Variants in SHANK2 observed in about 807,000 individuals in gnomAD.
The protein encoded by SHANK2 is SH3 and multiple ankyrin repeat domains 2.
A neutral mutation model predicts 133.7 loss-of-function variants in SHANK2; 43 were observed. That is an observed-to-expected ratio of 0.32 (90% confidence interval 0.25 to 0.41). SHANK2 has a LOEUF of 0.41. Among genes scored for constraint, SHANK2 ranks in the 10% least tolerant of loss-of-function variants. The pLI is 1.00. For synonymous variants in SHANK2, 1,017 were observed against 952.8 expected, an observed-to-expected ratio of 1.07 and a Z score of -1.24; for missense variants, 1,994 against 2,235.8, an observed-to-expected ratio of 0.89 and a Z score of 2.18.
chr11:70,627,359 T>C (rs561782414), intron 17 of SHANK2, among the ~76,000 whole-genome samples: 5 of 152,110 alleles, frequency 3.3e-5, no homozygotes, highest in Non-Finnish European at 7.4e-5. Flanking sequence ...GTCCAGCTGG[T>C]GGGGGCGTCA....
chr11:70,801,331 G>A (rs990706314), intron 13 of SHANK2, among the ~76,000 whole-genome samples: 48 of 152,360 alleles, frequency 3.2e-4, no homozygotes, highest in African/African-American at 1.1e-3. Flanking sequence ...CCAACACGGG[G>A]AGCCTTCATG....
intron 11 of SHANK2, among the ~76,000 whole-genome samples, chr11:70,869,166 C>T (rs144765367): frequency 6.6e-6 from 1 of 152,248 alleles, no homozygotes; most frequent in Non-Finnish European, 1.5e-5. Flanking sequence ...GAGAGGTCTC[C>T]GGAGGAACCA....
In SHANK2 at chr11:71,188,471, C is replaced by T. The variant is rs1055298362; in HGVS notation, c.-13+36226G>A. Among the ~76,000 whole-genome samples the T allele has an allele frequency of 3.3e-5, 5 of 152,222 alleles. No individual in the cohort carries two copies. Among genetic ancestry groups the T allele is most frequent in the East Asian group, 1.9e-4 (1 of 5,174 alleles). ...CTCCCTCTGGGGAGAAGGACTTCGG[C>T]GCAAGGGAACAGGAAAACACTGCAA... is the stretch of plus-strand genomic sequence containing the variant. On this transcript the variant is annotated intron_variant, in intron 2 of 25. Coordinates refer to ENST00000601538, the MANE Select transcript of SHANK2 (RefSeq NM_012309.5). This position sits in a 1 kb window ranked among gnomAD's most constrained non-coding sequence, Gnocchi z 4.6.
chr11:71,159,314 C>T (rs1361741306), intron 2 of SHANK2, among the ~76,000 whole-genome samples: 1 of 152,198 alleles, frequency 6.6e-6, no homozygotes, highest in Non-Finnish European at 1.5e-5. Flanking sequence ...CCTATCTCAG[C>T]TTCCACCTTC....
chr11:70,498,937 C>T (rs1304049521), intron 21 of SHANK2, among the ~76,000 whole-genome samples: 1 of 152,296 alleles, frequency 6.6e-6, no homozygotes, highest in East Asian at 1.9e-4. Flanking sequence ...CTACAAGGAT[C>T]CTATTTCCAA....
intron 25 of SHANK2, among the ~76,000 whole-genome samples, chr11:70,481,738 C>T (rs1273690598): frequency 6.6e-6 from 1 of 152,232 alleles, no homozygotes; most frequent in Non-Finnish European, 1.5e-5. Context: ...ATTCACAGCT[C>T]TTAATTTTTA....
chr11:71,119,879 G>A (rs1273089153), intron 3 of SHANK2, among the ~76,000 whole-genome samples: 1 of 152,056 alleles, frequency 6.6e-6, no homozygotes, highest in Non-Finnish European at 1.5e-5. Context: ...ATTTTGACAT[G>A]GATCGTTCTT....
rs1953730322 is a variant in SHANK2, at chr11:71,188,889, T to C, written c.-13+35808A>G. ...CACAGAGGCAAGTGATGGGTCAAGG[T>C]GGGTGGAAGCAAACCCTGGGGTTCT... On this transcript the variant is annotated intron_variant, in intron 2 of 25. Coordinates refer to ENST00000601538, the MANE Select transcript of SHANK2 (RefSeq NM_012309.5). This position sits in a 1 kb window ranked among gnomAD's most constrained non-coding sequence, Gnocchi z 4.6. Among the ~76,000 whole-genome samples, 3 of 152,110 alleles carry C rather than the reference T, an allele frequency of 2.0e-5. No individual in the cohort carries two copies.
chr11:71,251,621 C>T (rs1273112673), intron 1 of SHANK2, among the ~76,000 whole-genome samples: 1 of 151,366 alleles, frequency 6.6e-6, no homozygotes, highest in African/African-American at 2.4e-5. Flanking sequence ...TCGAGCGCGC[C>T]GGTGCCAGCT....
chr11:70,481,389 AGTT>A (rs1555151543), intron 25 of SHANK2, among the ~76,000 whole-genome samples: 1 of 152,230 alleles, frequency 6.6e-6, no homozygotes, highest in East Asian at 1.9e-4. Flanking sequence ...ACAAGGATCT[AGTT>A]GTTTAATCTT....
At chr11:70,625,810 GAAAAAAAAAAAAAAA>G (rs34147403) in intron 17 of SHANK2, among the ~76,000 whole-genome samples, 1 of 41,382 alleles carries the variant, frequency 2.4e-5, no homozygotes, top group African/African-American at 1.1e-4. Flanking sequence ...GTGCAAAAAT[GAAAAAAAAAAAAAAA>G]AAAAAAAAAA....
At chr11:71,146,143 C>A (rs147188236) in intron 3 of SHANK2, among the ~76,000 whole-genome samples, 1 of 152,210 alleles carries the variant, frequency 6.6e-6, no homozygotes, top group East Asian at 1.9e-4. Context: ...CCCTACTAGG[C>A]GCCTGTTTGC....
intron 3 of SHANK2, among the ~76,000 whole-genome samples, chr11:71,121,368 T>C (rs1369739568): frequency 1.3e-5 from 2 of 152,250 alleles, no homozygotes; most frequent in Non-Finnish European, 2.9e-5. Context: ...AATAGGATCT[T>C]TGCAGACGTA....
At chr11:70,548,925 G>T (rs1554977092) in intron 17 of SHANK2, among the ~76,000 whole-genome samples, 1 of 152,106 alleles carries the variant, frequency 6.6e-6, no homozygotes. Context: ...GGTGCTAGGG[G>T]TTGCCAGCAG....
intron 9 of SHANK2, among the ~76,000 whole-genome samples, chr11:71,073,798 G>A (rs995349309): frequency 2.0e-5 from 3 of 152,202 alleles, no homozygotes; most frequent in Admixed American, 1.3e-4. Context: ...ATGGTGCCAC[G>A]CATGCCTGGT....
intron 10 of SHANK2, among the ~76,000 whole-genome samples, chr11:70,955,422 G>GGTGTGTGTGTGTGTGTGTGTGT (rs1186144718): frequency 2.7e-5 from 4 of 146,458 alleles, no homozygotes; most frequent in African/African-American, 1.0e-4. Context: ...AGACCCACGG[G>GGTGTGTGTGTGTGTGTGTGTGT]GTGTGTGTGT....
chr11:70,612,060 C>A (rs782767578), intron 17 of SHANK2, among the ~76,000 whole-genome samples: 15 of 152,050 alleles, frequency 9.9e-5, no homozygotes, highest in Admixed American at 7.2e-4. Flanking sequence ...GAGGCGGCGT[C>A]CGGGCGTGAC....
intron 11 of SHANK2, among the ~76,000 whole-genome samples, chr11:70,838,731 C>A (rs144337338): frequency 1.3e-5 from 2 of 152,320 alleles, no homozygotes; most frequent in South Asian, 4.1e-4. Flanking sequence ...CCTGGACTCT[C>A]ACTCTGCACA....
chr11:70,892,090 G>T (rs1481778607), intron 11 of SHANK2, among the ~76,000 whole-genome samples: 3 of 152,118 alleles, frequency 2.0e-5, no homozygotes. Flanking sequence ...AGCTACAAAG[G>T]CTTCCCTCGG....
Sources: gnomAD v4.1 joint callset for allele counts (sites outside exome capture counted in the v4.1 genomes callset) on GRCh38, gnomAD v4.1.1 for gene constraint, Gnocchi (gnomAD v3.1) non-coding constraint, MANE v1.5 for transcripts, NCBI Gene and HGNC (gene_info 2026-07-23, HGNC 2026-07-21) for gene names.